GPC6: variants seen among roughly 807,000 people sequenced by gnomAD.
GPC6 encodes glypican 6.
GPC6 carries 14 observed loss-of-function variants against 55.2 expected under a neutral mutation model. That is an observed-to-expected ratio of 0.25 (90% CI 0.17 to 0.40). The LOEUF (loss-of-function observed/expected upper bound fraction) is 0.40. Among genes scored for constraint, GPC6 ranks in the 10% least tolerant of loss-of-function variants. The pLI is 1.00. For synonymous variants in GPC6, 278 were observed against 259.6 expected (o/e 1.07, Z -0.68); for missense variants, 641 against 708.5 (o/e 0.90, Z 1.08).
chr13:94,064,579 T>A (rs1884450537), intron 4 of GPC6, among the ~76,000 whole-genome samples: 1 of 152,136 alleles, frequency 6.6e-6, no homozygotes, highest in Admixed American at 6.5e-5. Context: ...ATTTCCAAAA[T>A]GGCCACACTC....
intron 3 of GPC6, among the ~76,000 whole-genome samples, chr13:93,987,549 T>C (rs1339981029): frequency 6.6e-6 from 1 of 152,238 alleles, no homozygotes; most frequent in East Asian, 1.9e-4. Flanking sequence ...GAAAATATTC[T>C]TTCTACAGAT....
chr13:93,885,769 A>C (rs1441418954), intron 3 of GPC6, among the ~76,000 whole-genome samples: 1 of 152,170 alleles, frequency 6.6e-6, no homozygotes, highest in East Asian at 1.9e-4. Context: ...TTTCATTTCT[A>C]TTTCATATTT....
intron 2 of GPC6, among the ~76,000 whole-genome samples, chr13:93,804,904 C>G (rs569453492): frequency 6.6e-6 from 1 of 152,174 alleles, no homozygotes; most frequent in Non-Finnish European, 1.5e-5. Context: ...TTTCTTCTCT[C>G]CATCCTAGCA....
In GPC6 at chr13:93,496,390, C is replaced by G. The variant is rs998520800; in HGVS notation, c.161-48873C>G. ...CCTCGCCCTGCTTCGGCTCGCGCAC[C>G]CACTGGCCTGCGCCCACTGTCTGGC... On this transcript the variant is annotated intron_variant, in intron 1 of 8. Transcript: ENST00000377047. Among the ~76,000 whole-genome samples the G allele has an allele frequency of 2.6e-5, 4 of 152,068 alleles. No individual in the cohort carries two copies. In the South Asian group the frequency reaches 6.2e-4, roughly 24 times the overall value.
At chr13:94,125,282 T>C (rs570526023) in intron 4 of GPC6, among the ~76,000 whole-genome samples, 9 of 152,218 alleles carry the variant, frequency 5.9e-5, no homozygotes, top group African/African-American at 2.2e-4. Flanking sequence ...ATGAAACATA[T>C]CATTTGTATC....
chr13:93,377,162 C>T lies in GPC6; in HGVS notation c.160+149546C>T, dbSNP rs374995780. On this transcript the variant is annotated intron_variant, in intron 1 of 8. Transcript: ENST00000377047. ...AAGACAAAGGAGTATTTCTCAGTAGCTCTGGAGTGTCAGAGGGTACTTCAT... is the reference window on the plus strand; with the variant it reads ...AAGACAAAGGAGTATTTCTCAGTAGTTCTGGAGTGTCAGAGGGTACTTCAT... 1.6e-3 allele frequency among the ~76,000 whole-genome samples: 245 copies of T among 152,286 alleles called. 2 individuals are homozygous for T. Among genetic ancestry groups the T allele is most frequent in the African/African-American group, 5.2e-3 (215 of 41,558 alleles).
chr13:93,249,439 G>A (rs1876712441), intron 1 of GPC6, among the ~76,000 whole-genome samples: 1 of 152,174 alleles, frequency 6.6e-6, no homozygotes, highest in Non-Finnish European at 1.5e-5. Context: ...GTTGGTAAGG[G>A]TTGTGAAATG....
chr13:93,436,683 A>G (rs910498033), intron 1 of GPC6, among the ~76,000 whole-genome samples: 2 of 152,160 alleles, frequency 1.3e-5, no homozygotes, highest in African/African-American at 2.4e-5. Context: ...TAGCCATGAA[A>G]AAAATGCACC....
chr13:94,007,088 T>C (rs754884861), intron 3 of GPC6, among the ~76,000 whole-genome samples: 1 of 152,212 alleles, frequency 6.6e-6, no homozygotes, highest in Non-Finnish European at 1.5e-5. Flanking sequence ...TTTAAAAGTC[T>C]CCAAAATGAC....
At chr13:93,542,100 T>C (rs937439756) in intron 1 of GPC6, among the ~76,000 whole-genome samples, 6 of 152,208 alleles carry the variant, frequency 3.9e-5, no homozygotes, top group East Asian at 1.9e-4. Flanking sequence ...TCCTTGCCCA[T>C]GCCTATGTCC....
At chr13:94,206,913 C>G (rs898026452) in intron 4 of GPC6, among the ~76,000 whole-genome samples, 2 of 152,126 alleles carry the variant, frequency 1.3e-5, no homozygotes, top group Admixed American at 1.3e-4. Flanking sequence ...CTTTCGTATG[C>G]AAACCAACCA....
At chr13:93,373,134 G>T (rs543809505) in intron 1 of GPC6, among the ~76,000 whole-genome samples, 4 of 152,096 alleles carry the variant, frequency 2.6e-5, no homozygotes, top group African/African-American at 9.7e-5. Context: ...AGGCAGCATG[G>T]CATCACACAA....
At chr13:93,693,563 C>G (rs1882340414) in intron 2 of GPC6, among the ~76,000 whole-genome samples, 1 of 151,896 alleles carries the variant, frequency 6.6e-6, no homozygotes, top group African/African-American at 2.4e-5. Flanking sequence ...CACTGCACCT[C>G]TGTCTCCTGG....
intron 4 of GPC6, among the ~76,000 whole-genome samples, chr13:94,203,847 A>T (rs962261746): frequency 6.6e-6 from 1 of 152,120 alleles, no homozygotes; most frequent in Non-Finnish European, 1.5e-5. Flanking sequence ...CATGTCTGAT[A>T]ACTATTCTTT....
intron 2 of GPC6, among the ~76,000 whole-genome samples, chr13:93,756,068 ATCTC>A (rs1279067953): frequency 5.9e-5 from 9 of 152,056 alleles, no homozygotes; most frequent in Admixed American, 5.2e-4. Flanking sequence ...TTGGCATTCT[ATCTC>A]TATTTCTTTT....
At chr13:93,867,954 G>A (rs944811061) in intron 3 of GPC6, among the ~76,000 whole-genome samples, 1 of 151,742 alleles carries the variant, frequency 6.6e-6, no homozygotes, top group East Asian at 2.0e-4. Flanking sequence ...ACACAGAGAC[G>A]AGGTAACATA....
rs1875921077 is a variant in GPC6 at position 94,305,964 on chromosome 13, T to C, written c.1009-16T>C. ...CTCATTGTATAGCTGTTTTTACTTTTCAATGGTTCTTCCAGGTCTTTCAGG... is the reference window on the plus strand; with the variant it reads ...CTCATTGTATAGCTGTTTTTACTTTCCAATGGTTCTTCCAGGTCTTTCAGG... On this transcript the variant is annotated splice_polypyrimidine_tract_variant and intron_variant, in intron 5 of 8. Transcript: ENST00000377047. 6.2e-7 allele frequency: 1 copy of C among 1,613,548 alleles called. No homozygotes were observed. The highest frequency in any genetic ancestry group is 1.3e-5 in the African/African-American group (1 of 74,934).
At chr13:94,056,988 A>G (rs1884154310) in intron 4 of GPC6, among the ~76,000 whole-genome samples, 2 of 152,234 alleles carry the variant, frequency 1.3e-5, no homozygotes, top group Admixed American at 1.3e-4. Flanking sequence ...GCATTTTTCT[A>G]TCATGACCAC....
intron 3 of GPC6, among the ~76,000 whole-genome samples, chr13:93,999,297 T>C (rs1212831662): frequency 2.0e-5 from 3 of 152,186 alleles, no homozygotes; most frequent in Non-Finnish European, 2.9e-5. Context: ...TTTCTGTTCT[T>C]ATGATAGTTT....
Sources: gnomAD v4.1 joint callset for allele counts (sites outside exome capture counted in the v4.1 genomes callset) on GRCh38, gnomAD v4.1.1 for gene constraint, MANE v1.5 for transcripts, NCBI Gene and HGNC (gene_info 2026-07-23, HGNC 2026-07-21) for gene names.